The following CLRN1 variants were observed in gnomAD, a reference collection of about 807,000 sequenced individuals.
CLRN1 encodes clarin 1, also known as clarin-1.
A neutral mutation model predicts 18.7 loss-of-function variants in CLRN1; 15 were observed. The ratio of observed to expected loss-of-function variants is 0.80; its 90% CI spans 0.54 to 1.23. CLRN1 has a LOEUF of 1.23. Among genes scored for constraint, CLRN1 ranks in the 50% most tolerant of loss-of-function variants. The pLI, the probability that CLRN1 is intolerant of heterozygous loss-of-function variation, is 0.00. For missense variants in CLRN1, 311 were observed against 277.5 expected (o/e 1.12, Z -0.86); for synonymous variants, 104 against 102.9 (o/e 1.01, Z -0.07).
rs765776041 is a variant in CLRN1 at position 150,941,768 on chromosome 3, A to G, written c.254-7T>C. The stretch of plus-strand genomic sequence containing the variant: ...TTGAGCAAATCTGGAAAAACTGAAG[A>G]TAAGACAAAACTAGGGTTAGAAGAA... On this transcript the variant is annotated splice_polypyrimidine_tract_variant and splice_region_variant and intron_variant, in intron 1 of 2. Transcript: ENST00000327047. 1.2e-6 allele frequency: 2 copies of G among 1,613,584 alleles called. No individual in the cohort carries two copies. The highest frequency in any genetic ancestry group is 2.2e-5 in the East Asian group (1 of 44,852).
rs180760116 is a variant in CLRN1 at position 150,947,860 on chromosome 3, A to G, written c.254-6099T>C. Among the ~76,000 whole-genome samples, 269 of 152,370 alleles carry G rather than the reference A, an allele frequency of 1.8e-3. 1 individual carries two copies. Among genetic ancestry groups the G allele is most frequent in the Non-Finnish European group, 3.0e-3 (202 of 68,032 alleles). ...GAAGTTTTTTCAAACTAATGAGAACAAAGATACAACATACCAGACTCTCTG... is the reference window on the plus strand; with the variant it reads ...GAAGTTTTTTCAAACTAATGAGAACGAAGATACAACATACCAGACTCTCTG... On this transcript the variant is annotated intron_variant, in intron 1 of 2. Coordinates refer to ENST00000327047, the MANE Select transcript of CLRN1 (RefSeq NM_174878.3).
At chr3:150,959,851 TATTGCTG>T (rs1199487876) in intron 1 of CLRN1, among the ~76,000 whole-genome samples, 1 of 152,194 alleles carries the variant, frequency 6.6e-6, no homozygotes, top group Non-Finnish European at 1.5e-5. Flanking sequence ...ACCTTTTATC[TATTGCTG>T]ATTCCAGTCT....
At chr3:150,940,694 C>A (rs984350222) in intron 2 of CLRN1, among the ~76,000 whole-genome samples, 6 of 152,216 alleles carry the variant, frequency 3.9e-5, no homozygotes, top group African/African-American at 1.2e-4. Context: ...AGTCAGAGAT[C>A]TCCTACAGAA....
chr3:150,972,425 A>G (rs774488711), intron 1 of CLRN1, 31 bp downstream of exon 1: 23 of 1,614,072 alleles, frequency 1.4e-5, no homozygotes, highest in Admixed American at 1.2e-4. Context: ...TGCCTAAAGC[A>G]TTAAATAACT....
intron 2 of CLRN1, among the ~76,000 whole-genome samples, chr3:150,929,209 T>C (rs575780819): frequency 6.6e-6 from 1 of 152,336 alleles, no homozygotes; most frequent in South Asian, 2.1e-4. Context: ...GTAGCTGTGA[T>C]TTCGGTGAGA....
At chr3:150,946,955 A>C (rs1456609663) in intron 1 of CLRN1, among the ~76,000 whole-genome samples, 1 of 134,332 alleles carries the variant, frequency 7.4e-6, no homozygotes. Flanking sequence ...TGTCCATGTG[A>C]TCTCATTTGA....
chr3:150,964,610 G>A (rs752253166), intron 1 of CLRN1, among the ~76,000 whole-genome samples: 21 of 152,202 alleles, frequency 1.4e-4, no homozygotes, highest in Non-Finnish European at 2.2e-4. Flanking sequence ...GCCCACATAT[G>A]TTTATTGCAG....
At chr3:150,967,805 T>G (rs1405595636) in intron 1 of CLRN1, among the ~76,000 whole-genome samples, 1 of 152,124 alleles carries the variant, frequency 6.6e-6, no homozygotes, top group African/African-American at 2.4e-5. Context: ...GTGCCAACTC[T>G]CAGTGACAGG....
intron 1 of CLRN1, among the ~76,000 whole-genome samples, chr3:150,951,390 T>G (rs1714474485): frequency 1.3e-5 from 2 of 152,004 alleles, no homozygotes; most frequent in South Asian, 4.2e-4. Context: ...CAGGCTGGAG[T>G]ACAGTGGCTC....
In CLRN1 at chr3:150,927,849, A is replaced by G; in HGVS notation, c.*87T>C. The G allele has an allele frequency of 6.8e-7, 1 of 1,468,364 alleles. No individual in the cohort carries two copies. Among genetic ancestry groups the G allele is most frequent in the Non-Finnish European group, 9.5e-7 (1 of 1,050,444 alleles). 91.0% of individuals were successfully genotyped at this position (1,468,364 alleles called of 1,614,324 possible). Reference sequence around the variant, plus strand: ...AGGGTCCTGATGCTTTAATATATGCAGACTAAAAGGATATGCAAAATTAAC... The same window carrying G: ...AGGGTCCTGATGCTTTAATATATGCGGACTAAAAGGATATGCAAAATTAAC... On this transcript the variant is annotated 3_prime_UTR_variant, in exon 3 of 3. Coordinates refer to ENST00000327047, the MANE Select transcript of CLRN1 (RefSeq NM_174878.3).
At chr3:150,969,816 C>CA (rs558593331) in intron 1 of CLRN1, among the ~76,000 whole-genome samples, 44 of 148,116 alleles carry the variant, frequency 3.0e-4, no homozygotes, top group East Asian at 9.9e-4. Flanking sequence ...ACTAAAAATA[C>CA]AAAAAAAAAA....
intron 1 of CLRN1, among the ~76,000 whole-genome samples, chr3:150,966,698 C>T (rs557339895): frequency 6.6e-6 from 1 of 152,272 alleles, no homozygotes; most frequent in South Asian, 2.1e-4. Context: ...AAAGAAACAT[C>T]CACTTTGGTC....
At position 150,927,724 on chromosome 3, in the gene CLRN1, C is replaced by T. The variant is rs1486189298; in HGVS notation, c.*212G>A. ...ACTGCCTTTGACTACCTGGGTCAAGCAATTTCCCACCAGATAAAACAACTT... is the reference window on the plus strand; with the variant it reads ...ACTGCCTTTGACTACCTGGGTCAAGTAATTTCCCACCAGATAAAACAACTT... On this transcript the variant is annotated 3_prime_UTR_variant, in exon 3 of 3. Transcript: ENST00000327047. 1.4e-6 allele frequency: 1 copy of T among 708,186 alleles called. No homozygotes were observed. The highest frequency in any genetic ancestry group is 1.5e-5 in the South Asian group (1 of 67,122). 43.9% of individuals were successfully genotyped at this position (708,186 alleles called of 1,614,324 possible).
intron 1 of CLRN1, among the ~76,000 whole-genome samples, chr3:150,953,384 T>C (rs1714584030): frequency 6.6e-6 from 1 of 152,202 alleles, no homozygotes; most frequent in Admixed American, 6.5e-5. Flanking sequence ...TGAGTCAATG[T>C]GTCTCGGTCT....
At chr3:150,943,895 T>A (rs1490946909) in intron 1 of CLRN1, 1 of 1,613,772 alleles carries the variant, frequency 6.2e-7, no homozygotes, top group Non-Finnish European at 8.5e-7. Flanking sequence ...CTGCACTCGT[T>A]CACTCGTGTG....
intron 1 of CLRN1, chr3:150,945,441 GA>G: frequency 8.5e-7 from 1 of 1,171,092 alleles, no homozygotes; most frequent in South Asian, 1.4e-5. Flanking sequence ...CCACATGCTG[GA>G]AGGGGGCCAG....
At chr3:150,963,208 C>G (rs1313743316) in intron 1 of CLRN1, among the ~76,000 whole-genome samples, 3 of 152,180 alleles carry the variant, frequency 2.0e-5, no homozygotes, top group African/African-American at 7.2e-5. Flanking sequence ...TAAGCAACTT[C>G]GGCAAAGTCT....
In CLRN1 at chr3:150,941,776, A is replaced by C. The variant is rs1408221131; in HGVS notation, c.254-15T>G. The C allele has an allele frequency of 2.0e-5, 33 of 1,612,684 alleles. No homozygotes were observed. The highest frequency in any genetic ancestry group is 2.8e-5 in the Non-Finnish European group (33 of 1,178,848). ...ATCTGGAAAAACTGAAGATAAGACA[A>C]AACTAGGGTTAGAAGAAGTTTCATT... On this transcript the variant is annotated splice_polypyrimidine_tract_variant and intron_variant, in intron 1 of 2. Coordinates refer to ENST00000327047, the MANE Select transcript of CLRN1 (RefSeq NM_174878.3).
At position 150,927,937 on chromosome 3, in the gene CLRN1, C is replaced by T. The variant is rs759580045; in HGVS notation, c.698G>A (p.Ter233=). ...TTNVAADLMY[*] Reference sequence around the variant, plus strand: ...TAAAATTATAGAAAGGTTTGCCTTTCAGTACATTAGATCTGCAGCTACATT... The same window carrying T: ...TAAAATTATAGAAAGGTTTGCCTTTTAGTACATTAGATCTGCAGCTACATT... Residue 233 remains the stop codon, a stop_retained_variant, in exon 3 of 3, where the codon TGA becomes TAA. Transcript: ENST00000327047. The T allele has an allele frequency of 9.9e-6, 16 of 1,614,078 alleles. No homozygotes were observed. The highest frequency in any genetic ancestry group is 5.1e-6 in the Non-Finnish European group (6 of 1,180,020).
Sources: gnomAD v4.1 joint callset for allele counts (sites outside exome capture counted in the v4.1 genomes callset) on GRCh38, gnomAD v4.1.1 for gene constraint, MANE v1.5 for transcripts, NCBI Gene and HGNC (gene_info 2026-07-23, HGNC 2026-07-21) for gene names.